Variants in CACNA1A observed in about 807,000 individuals in gnomAD.
CACNA1A encodes the protein calcium voltage-gated channel subunit alpha1 A, also known as voltage-dependent P/Q-type calcium channel subunit alpha-1A.
CACNA1A carries 57 observed loss-of-function variants against 262.4 expected under a neutral mutation model. That is an observed-to-expected ratio of 0.22 (90% CI 0.18 to 0.27). CACNA1A has a LOEUF of 0.27. Ranked by LOEUF, CACNA1A falls within the 10% of genes least tolerant of loss-of-function variation. CACNA1A has a pLI of 1.00. For missense variants in CACNA1A, 2,526 were observed against 3,562.8 expected, an observed-to-expected ratio of 0.71 and a Z score of 7.41; for synonymous variants, 1,431 against 1,419.3, an observed-to-expected ratio of 1.01 and a Z score of -0.18.
At position 13,257,365 on chromosome 19, in the gene CACNA1A, G is replaced by A. The variant is rs759563406; in HGVS notation, c.4575C>T (p.Ser1525=). 13 of 1,613,476 alleles carry A rather than the reference G, an allele frequency of 8.1e-6. No homozygotes were observed. The highest frequency in any genetic ancestry group is 1.6e-4 in the Middle Eastern group (1 of 6,082). Residue 1525 remains serine (S), a synonymous_variant, in exon 28 of 47, where the codon AGC becomes AGT. Transcript: ENST00000360228. The part of the protein sequence containing the change: ...EQGDKMMEEY[S]LEKNERACID... ...GAAGTGGCACCTCATTTTTCTCCAG[G>A]CTGTATTCCTCCATCATCTTGTCCC...
At chr19:13,254,464 G>C (rs1462219672) in intron 29 of CACNA1A, among the ~76,000 whole-genome samples, 1 of 151,862 alleles carries the variant, frequency 6.6e-6, no homozygotes, top group African/African-American at 2.4e-5. Context: ...CCGGGTTCAA[G>C]CAATTCTCCT....
At chr19:13,376,842 G>GATATATAACACATATGTTATATGTGAT (rs1568586396) in intron 3 of CACNA1A, among the ~76,000 whole-genome samples, 2 of 140,208 alleles carry the variant, frequency 1.4e-5, no homozygotes, top group Non-Finnish European at 3.1e-5. Flanking sequence ...TGTTATATGT[G>GATATATAACACATATGTTATATGTGAT]ATATATAACA....
rs2059069225 is a variant in CACNA1A at position 13,359,757 on chromosome 19, T to C, written c.827A>G (p.Glu276Gly). ...GESPAPCGTE[E>G]PARTCPNGTK... is the part of the protein sequence containing the mutation. The stretch of plus-strand genomic sequence containing the variant: ...CCCATTGGGGCAGGTGCGGGCGGGC[T>C]CTTCTGTCCCACATGGAGCCGGAGA... Residue 276 changes from glutamate to glycine, a missense_variant, in exon 6 of 47, where the codon GAG (glutamate) becomes GGG (glycine). Glu to Gly is a moderately conservative substitution (Grantham distance 98, BLOSUM62 -2). Coordinates refer to ENST00000360228, the MANE Select transcript of CACNA1A (RefSeq NM_001127222.2). 6.4e-7 allele frequency: 1 copy of C among 1,556,198 alleles called. No homozygotes were observed. The highest frequency in any genetic ancestry group is 1.4e-5 in the African/African-American group (1 of 73,546).
In CACNA1A at chr19:13,285,168, C is replaced by T; in HGVS notation, c.3592G>A (p.Glu1198Lys). The T allele has an allele frequency of 6.2e-7, 1 of 1,613,912 alleles. No homozygotes were observed. Among genetic ancestry groups the T allele is most frequent in the South Asian group, 1.1e-5 (1 of 91,064 alleles). ...NANPDPLPKK[E>K]EEKKEEEEDD... is the part of the protein sequence containing the mutation. ...TCCTCCTCCTCCTTCTTCTCTTCCT[C>T]TTTTTTTGGCAGTGGGTCTGGGTTG... Residue 1198 changes from glutamate to lysine, a missense_variant, in exon 21 of 47, where the codon GAG becomes AAG. Around this residue, in one of 17 missense-constraint regions of CACNA1A, gnomAD observed 765 missense variants for 748.6 expected, o/e 1.02. Transcript: ENST00000360228.
At position 13,207,002 on chromosome 19, in the gene CACNA1A, C is replaced by CTGAG. The variant is rs1245034784; in HGVS notation, c.*307_*310dup. Reference sequence around the variant, plus strand: ...GTTCCCCAAAGTTCTCCAAAAATGGCTGAGTTAATTCAAATCCCTTGGCTG... The same window carrying CTGAG: ...GTTCCCCAAAGTTCTCCAAAAATGGCTGAGTGAGTTAATTCAAATCCCTTGGCTG... On this transcript the variant is annotated 3_prime_UTR_variant, in exon 47 of 47. Coordinates refer to ENST00000360228, the MANE Select transcript of CACNA1A (RefSeq NM_001127222.2). This position sits in a 1 kb window ranked among gnomAD's most constrained non-coding sequence, Gnocchi z 5.7. The CTGAG allele has an allele frequency of 6.5e-4, 75 of 114,674 alleles. No homozygotes were observed. Among genetic ancestry groups the CTGAG allele is most frequent in the Admixed American group, 2.3e-3 (17 of 7,544 alleles). The allele number at this position is 114,674 out of a possible 1,614,324, so 7.1% of individuals were successfully genotyped here.
At chr19:13,503,411 T>TA (rs1982622513) in intron 1 of CACNA1A, among the ~76,000 whole-genome samples, 1 of 152,112 alleles carries the variant, frequency 6.6e-6, no homozygotes, top group Non-Finnish European at 1.5e-5. Context: ...GTACATATAT[T>TA]AGACTTTATT....
rs1288784150 is a variant in CACNA1A at position 13,308,870 on chromosome 19, G to A, written c.1669-342C>T. The A allele has an allele frequency of 2.3e-5, 4 of 173,032 alleles. No individual in the cohort carries two copies. The highest frequency in any genetic ancestry group is 1.9e-4 in the South Asian group (1 of 5,388). 10.7% of individuals were successfully genotyped at this position (173,032 alleles called of 1,614,324 possible). ...TTTAAAACATTTTTATAGAGATAGT[G>A]TCTCGCTAGTATTGCCCAGGCTGGC... is the stretch of plus-strand genomic sequence containing the variant. On this transcript the variant is annotated intron_variant, in intron 12 of 46. Transcript: ENST00000360228. The surrounding 1 kb of genome is among the most constrained non-coding windows in gnomAD (Gnocchi z 4.2).
chr19:13,261,752 TC>T, intron 25 of CACNA1A, 142 bp from the exon 26 acceptor site: 3 of 737,682 alleles, frequency 4.1e-6, no homozygotes, highest in South Asian at 1.8e-5. Flanking sequence ...TAGGGTAAGG[TC>T]CCCCCAGCTT....
chr19:13,498,214 C>T (rs753715189), intron 1 of CACNA1A, among the ~76,000 whole-genome samples: 14 of 152,146 alleles, frequency 9.2e-5, no homozygotes, highest in Admixed American at 2.6e-4. Flanking sequence ...AACACCACTG[C>T]GGGCCAAGTT....
At chr19:13,432,013 G>A (rs1397406937) in intron 3 of CACNA1A, among the ~76,000 whole-genome samples, 7 of 149,410 alleles carry the variant, frequency 4.7e-5, no homozygotes, top group Non-Finnish European at 8.9e-5. Flanking sequence ...GCTGAGGCAG[G>A]AGAATCGCTT....
chr19:13,232,308 C>T (rs941955498), intron 34 of CACNA1A, among the ~76,000 whole-genome samples: 2 of 151,698 alleles, frequency 1.3e-5, no homozygotes, highest in African/African-American at 2.4e-5. Flanking sequence ...GTGATCCTCC[C>T]GCCTCGGCCT....
chr19:13,367,542 A>G (rs1453405705), intron 4 of CACNA1A, among the ~76,000 whole-genome samples: 2 of 151,892 alleles, frequency 1.3e-5, no homozygotes, highest in African/African-American at 4.8e-5. Context: ...CCTGGCTAAT[A>G]TGGTGAAACC....
At chr19:13,344,731 A>ATTTAT (rs1368032592) in intron 6 of CACNA1A, among the ~76,000 whole-genome samples, 1 of 70,082 alleles carries the variant, frequency 1.4e-5, no homozygotes, top group Admixed American at 1.8e-4. Flanking sequence ...TTGGTGGATC[A>ATTTAT]TTTATTTTAT....
chr19:13,469,671 G>C (rs2061317226), intron 1 of CACNA1A, among the ~76,000 whole-genome samples: 1 of 148,456 alleles, frequency 6.7e-6, no homozygotes. Flanking sequence ...GTGTTAGCCA[G>C]GATGGTCTCG....
chr19:13,250,243 A>G (rs938877993), intron 30 of CACNA1A, among the ~76,000 whole-genome samples: 1 of 151,606 alleles, frequency 6.6e-6, no homozygotes, highest in Non-Finnish European at 1.5e-5. Flanking sequence ...TATTTTTAGT[A>G]GAGACGGGGT....
At chr19:13,262,969 C>A (rs1295972858) in intron 24 of CACNA1A, 136 bp from the exon 25 acceptor site, 11 of 682,554 alleles carry the variant, frequency 1.6e-5, no homozygotes, top group Non-Finnish European at 2.7e-5. Flanking sequence ...ACAGCCCTGC[C>A]CTTCCTGGTG....
intron 19 of CACNA1A, among the ~76,000 whole-genome samples, chr19:13,290,727 G>A (rs1053543469): frequency 1.3e-5 from 2 of 150,708 alleles, no homozygotes; most frequent in African/African-American, 2.5e-5. Flanking sequence ...GTATGTATAT[G>A]TGTATATATG....
intron 3 of CACNA1A, among the ~76,000 whole-genome samples, chr19:13,447,231 T>G (rs191448220): frequency 2.0e-5 from 3 of 152,304 alleles, no homozygotes; most frequent in East Asian, 1.9e-4. Context: ...TCTTCTTGCA[T>G]AAAATTTCAG....
At chr19:13,230,019 C>A in intron 36 of CACNA1A, 63 bp downstream of exon 36, 1 of 1,576,292 alleles carries the variant, frequency 6.3e-7, no homozygotes. Flanking sequence ...CCTGACCTAG[C>A]CCGTGTTCCA....
Sources: gnomAD v4.1 joint callset for allele counts (sites outside exome capture counted in the v4.1 genomes callset) on GRCh38, gnomAD v4.1.1 for gene constraint, gnomAD v4.1.1 regional missense constraint, Gnocchi (gnomAD v3.1) non-coding constraint, MANE v1.5 for transcripts, NCBI Gene and HGNC (gene_info 2026-07-23, HGNC 2026-07-21) for gene names.